The following CPNE7 variants were observed in gnomAD, a reference collection of about 807,000 sequenced individuals.
CPNE7 encodes copine-7.
CPNE7 carries 78 observed loss-of-function variants against 66.5 expected under a neutral mutation model. The observed-to-expected ratio is 1.17, with a 90% CI of 0.98 to 1.42. The LOEUF is 1.42. Among genes scored for constraint, CPNE7 ranks in the 40% most tolerant of loss-of-function variants. The pLI, the probability that CPNE7 is intolerant of heterozygous loss-of-function variation, is 0.00. For missense variants in CPNE7, 1,012 were observed against 776.6 expected, an observed-to-expected ratio of 1.30 and a Z score of -3.60; for synonymous variants, 468 against 336.7, an observed-to-expected ratio of 1.39 and a Z score of -4.27.
Position 89,586,671 on chromosome 16 carries a change from C to T in CPNE7, c.782C>T (p.Ala261Val). ...EMQKAFEEGQ[A>V]QWDCVNPKYK... ...GGCCTCTGCTTGTTCCTGCCCCAGG[C>T]CCAGTGGGACTGTGTGAACCCCAAA... is the stretch of plus-strand genomic sequence containing the variant. Residue 261 changes from alanine to valine, a missense_variant and splice_region_variant, in exon 8 of 15, where the codon GCC becomes GTC. By Grantham distance (64) the Ala-to-Val change is moderately conservative (BLOSUM62 0). Coordinates refer to ENST00000319518, the MANE Select transcript of CPNE7 (RefSeq NM_153636.3). 1.2e-6 allele frequency: 2 copies of T among 1,612,668 alleles called. No homozygotes were observed. The highest frequency in any genetic ancestry group is 1.7e-6 in the Non-Finnish European group (2 of 1,179,392).
At chr16:89,587,362 C>T (rs1357281402) in intron 9 of CPNE7, among the ~76,000 whole-genome samples, 1 of 92,888 alleles carries the variant, frequency 1.1e-5, no homozygotes, top group Non-Finnish European at 2.2e-5. Flanking sequence ...CGCCCCGCTC[C>T]CGAGGGGTCC....
chr16:89,585,264 ATG>A (rs1394021120), intron 5 of CPNE7, among the ~76,000 whole-genome samples, 198 bp from the exon 6 acceptor site: 1 of 152,148 alleles, frequency 6.6e-6, no homozygotes, highest in Non-Finnish European at 1.5e-5. Context: ...GGGCTCGGAA[ATG>A]TGTCTCCCGG....
intron 2 of CPNE7, among the ~76,000 whole-genome samples, chr16:89,582,656 G>T (rs76996938): frequency 0.014 from 2,113 of 152,328 alleles, 45 homozygotes; most frequent in African/African-American, 0.048. Flanking sequence ...CCCCAGCCCT[G>T]ACCTGGGATC....
chr16:89,579,449 C>T (rs545614396), intron 2 of CPNE7, among the ~76,000 whole-genome samples: 32 of 151,302 alleles, frequency 2.1e-4, no homozygotes, highest in African/African-American at 7.8e-4. Flanking sequence ...ACCCCTCACA[C>T]GGAACATCCT....
chr16:89,595,357 G>T lies in CPNE7; in HGVS notation c.1303-10G>T. On this transcript the variant is annotated splice_polypyrimidine_tract_variant and intron_variant, in intron 13 of 14. Coordinates refer to ENST00000319518, the MANE Select transcript of CPNE7 (RefSeq NM_153636.3). Reference sequence around the variant, plus strand: ...GTGTGGTGTTGCTGATGCCTTTCCTGTGCCCCCAGCAATACTACATCCTGC... The same window carrying T: ...GTGTGGTGTTGCTGATGCCTTTCCTTTGCCCCCAGCAATACTACATCCTGC... The T allele has an allele frequency of 6.4e-7, 1 of 1,553,112 alleles. No homozygotes were observed.
chr16:89,591,382 C>T (rs1349144866), intron 13 of CPNE7, 122 bp downstream of exon 13: 5 of 1,367,914 alleles, frequency 3.7e-6, no homozygotes, highest in Non-Finnish European at 4.8e-6. Flanking sequence ...CCAGGCAGGA[C>T]AGAGCTCAGG....
intron 2 of CPNE7, among the ~76,000 whole-genome samples, chr16:89,581,690 G>A (rs779949177): frequency 2.6e-5 from 4 of 152,182 alleles, no homozygotes; most frequent in African/African-American, 9.7e-5. Context: ...TGCCGCCCAG[G>A]CTGGAGTGCA....
At position 89,591,268 on chromosome 16, in the gene CPNE7, C is replaced by A; in HGVS notation, c.1302+8C>A. On this transcript the variant is annotated splice_region_variant and intron_variant, in intron 13 of 14. Transcript: ENST00000319518. ...AGCACCGGGAAAGCCTCTGTAGGTGCCCGGGGGGTGTGGTGCATGCTTGGT... is the reference window on the plus strand; with the variant it reads ...AGCACCGGGAAAGCCTCTGTAGGTGACCGGGGGGTGTGGTGCATGCTTGGT... The A allele has an allele frequency of 1.9e-6, 3 of 1,564,124 alleles. No homozygotes were observed. The highest frequency in any genetic ancestry group is 1.2e-5 in the South Asian group (1 of 84,312).
intron 1 of CPNE7, 111 bp downstream of exon 1, chr16:89,576,182 C>A (rs950299533): frequency 1.1e-6 from 1 of 927,746 alleles, no homozygotes; most frequent in Non-Finnish European, 1.4e-6. Flanking sequence ...CAAGGCGGGG[C>A]CCCCCGGAGC....
chr16:89,579,549 G>C (rs7404644), intron 2 of CPNE7, among the ~76,000 whole-genome samples: 124,837 of 149,646 alleles, frequency 0.83, 52,095 homozygotes, highest in Middle Eastern at 0.91. Flanking sequence ...TCTCACCCAT[G>C]ACACGGAACA....
In CPNE7 at chr16:89,591,046, G is replaced by T. The variant is rs772694042; in HGVS notation, c.1156G>T (p.Asp386Tyr). 1.9e-6 allele frequency: 3 copies of T among 1,613,566 alleles called. No individual in the cohort carries two copies. Among genetic ancestry groups the T allele is most frequent in the Admixed American group, 3.3e-5 (2 of 59,988 alleles). Reference protein sequence around the residue: ...DFAINFNPEDDECEGIQGVVE... With the variant: ...DFAINFNPEDYECEGIQGVVE... ...TGCCATCAATTTCAACCCTGAGGAC[G>T]ATGAGTGTGAAGGTAGGAGCTCGAG... The change falls in exon 12 of 15, where the codon GAT becomes TAT. Residue 386 changes from aspartate to tyrosine, a missense_variant. Asp to Tyr is a radical substitution (Grantham distance 160). Transcript: ENST00000319518.
chr16:89,594,642 CTTTTTTTTTTTTTTTT>C (rs57032352), intron 13 of CPNE7, among the ~76,000 whole-genome samples: 4 of 86,894 alleles, frequency 4.6e-5, no homozygotes, highest in East Asian at 6.3e-4. Flanking sequence ...TCCATTCTGC[CTTTTTTTTTTTTTTTT>C]TTTTTTTTTT....
rs3794630 is a variant in CPNE7 at position 89,588,813 on chromosome 16, G to A, written c.1061+5G>A. The A allele has an allele frequency of 0.06, 96,222 of 1,612,812 alleles. 10,674 individuals carry two copies. The highest frequency in any genetic ancestry group is 0.58 in the East Asian group (25,796 of 44,836). On this transcript the variant is annotated splice_donor_5th_base_variant and intron_variant, in intron 10 of 14. Transcript: ENST00000319518. ...GATCTGCCAGGACTATGACAGGTGCGCCCACCACCTTCCCCTCACCCCCTG... is the reference window on the plus strand; with the variant it reads ...GATCTGCCAGGACTATGACAGGTGCACCCACCACCTTCCCCTCACCCCCTG...
In CPNE7 at chr16:89,584,335, G is replaced by A. The variant is rs2059002870; in HGVS notation, c.507+233G>A. On this transcript the variant is annotated intron_variant, in intron 4 of 14. Transcript: ENST00000319518. The surrounding 1 kb of genome is among the most constrained non-coding windows in gnomAD (Gnocchi z 6.0). ...GGGGCTGGGGCAGCTCCCTCCTGTG[G>A]GGACCACTCATGACCCTGCTCAGGG... 6.6e-6 allele frequency among the ~76,000 whole-genome samples: 1 copy of A among 152,218 alleles called. No homozygotes were observed. Among genetic ancestry groups the A allele is most frequent in the Non-Finnish European group, 1.5e-5 (1 of 68,026 alleles).
intron 2 of CPNE7, among the ~76,000 whole-genome samples, chr16:89,583,018 C>T (rs1006125351): frequency 2.0e-5 from 3 of 152,214 alleles, no homozygotes; most frequent in African/African-American, 7.2e-5. Flanking sequence ...CTGGGCCTGT[C>T]ATCCGCCACC....
Position 89,591,146 on chromosome 16 carries a change from G to C in CPNE7, c.1188G>C (p.Glu396Asp), listed in dbSNP as rs777259917. ...DECEGIQGVV[E>D]AYQNCLPRVQ... ...CCACAGGCATCCAGGGCGTGGTGGA[G>C]GCCTACCAGAACTGCCTGCCCAGGG... is the stretch of plus-strand genomic sequence containing the variant. The change falls in exon 13 of 15, where the codon GAG (glutamate) becomes GAC (aspartate). Residue 396 changes from glutamate to aspartate, a missense_variant. Transcript: ENST00000319518. 1.2e-6 allele frequency: 2 copies of C among 1,610,916 alleles called. No homozygotes were observed. The highest frequency in any genetic ancestry group is 1.1e-5 in the South Asian group (1 of 90,806).
At position 89,586,764 on chromosome 16, in the gene CPNE7, G is replaced by A. The variant is rs780625629; in HGVS notation, c.867+8G>A. 1.9e-6 allele frequency: 3 copies of A among 1,611,300 alleles called. No individual in the cohort carries two copies. The highest frequency in any genetic ancestry group is 1.7e-6 in the Non-Finnish European group (2 of 1,178,238). ...GTCCTGGCTGACCTCAAGGTGAGAG[G>A]TGGCTGTGCCCGAAGCCTCCCCACC... On this transcript the variant is annotated splice_region_variant and intron_variant, in intron 8 of 14. Coordinates refer to ENST00000319518, the MANE Select transcript of CPNE7 (RefSeq NM_153636.3).
At chr16:89,578,975 C>A (rs534210956) in intron 2 of CPNE7, 2 of 1,606,350 alleles carry the variant, frequency 1.2e-6, no homozygotes, top group African/African-American at 1.3e-5. Flanking sequence ...CTTGCCAGGA[C>A]GGGTCCTTCT....
intron 1 of CPNE7, among the ~76,000 whole-genome samples, chr16:89,576,746 C>T (rs1193006427): frequency 1.3e-5 from 2 of 152,264 alleles, no homozygotes; most frequent in Non-Finnish European, 2.9e-5. Flanking sequence ...CGCTTTTCCC[C>T]GGCGCAGGGG....
Sources: allele counts gnomAD v4.1 joint callset (sites outside exome capture counted in the v4.1 genomes callset), GRCh38; gene constraint gnomAD v4.1.1; non-coding constraint Gnocchi (gnomAD v3.1); transcripts MANE v1.5; gene names NCBI Gene and HGNC (gene_info 2026-07-23, HGNC 2026-07-21).